The following TNFSF9 variants were observed in gnomAD, a reference collection of about 807,000 sequenced individuals.
TNFSF9 encodes TNF superfamily member 9, also known as tumor necrosis factor ligand superfamily member 9.
TNFSF9 carries 10 observed loss-of-function variants against 10.3 expected under a neutral mutation model. That is an observed-to-expected ratio of 0.97 (90% CI 0.60 to 1.65). TNFSF9 has a LOEUF of 1.65. Among genes scored for constraint, TNFSF9 ranks in the 40% most tolerant of loss-of-function variants. The pLI is 0.00. For missense variants in TNFSF9, 361 were observed against 348.9 expected, an observed-to-expected ratio of 1.03 and a Z score of -0.28; for synonymous variants, 195 against 176.1, an observed-to-expected ratio of 1.11 and a Z score of -0.85.
Position 6,531,233 on chromosome 19 carries a change from C to T in TNFSF9, c.197C>T (p.Ala66Val), listed in dbSNP as rs1915139072. Reference sequence around the variant, plus strand: ...GCTCGCGCCTCGCCCGGCTCCGCGGCCAGCCCGAGACTCCGCGAGGGTCCC... The same window carrying T: ...GCTCGCGCCTCGCCCGGCTCCGCGGTCAGCCCGAGACTCCGCGAGGGTCCC... Reference protein sequence around the residue: ...SGARASPGSAASPRLREGPEL... With the variant: ...SGARASPGSAVSPRLREGPEL... The change falls in exon 1 of 3, where the codon GCC (alanine) becomes GTC (valine). Residue 66 changes from alanine to valine, a missense_variant. Physicochemically the swap from Ala to Val is moderately conservative, Grantham distance 64. Coordinates refer to ENST00000245817, the MANE Select transcript of TNFSF9 (RefSeq NM_003811.4). The T allele has an allele frequency of 2.6e-6, 4 of 1,534,470 alleles. No homozygotes were observed. The highest frequency in any genetic ancestry group is 1.7e-4 in the Middle Eastern group (1 of 5,724).
intron 2 of TNFSF9, 119 bp from the exon 3 acceptor site, chr19:6,534,474 TCCCCGCC>T: frequency 1.1e-5 from 6 of 546,130 alleles, no homozygotes; most frequent in Non-Finnish European, 1.6e-5. Flanking sequence ...GCCCCGCCAT[TCCCCGCC>T]CCCCGGCCCC....
intron 1 of TNFSF9, among the ~76,000 whole-genome samples, chr19:6,532,411 TTG>T (rs3073807): frequency 0.11 from 11,198 of 105,380 alleles, 602 homozygotes; most frequent in African/African-American, 0.23. Context: ...GTGTGGGTGT[TTG>T]TGTTTGTTCG....
chr19:6,534,643 C>G lies in TNFSF9; in HGVS notation c.342C>G (p.Gly114=), dbSNP rs759672994. The G allele has an allele frequency of 6.9e-6, 11 of 1,587,088 alleles. No individual in the cohort carries two copies. The highest frequency in any genetic ancestry group is 1.1e-5 in the South Asian group (1 of 87,038). ...CCCTGAGCTGGTACAGTGACCCAGG[C>G]CTGGCAGGCGTGTCCCTGACGGGGG... ...DGPLSWYSDP[G]LAGVSLTGGL... Residue 114 remains glycine (G), a synonymous_variant, in exon 3 of 3, where the codon GGC becomes GGG. Coordinates refer to ENST00000245817, the MANE Select transcript of TNFSF9 (RefSeq NM_003811.4).
chr19:6,532,678 T>C, intron 1 of TNFSF9, 108 bp from the exon 2 acceptor site: 1 of 1,491,846 alleles, frequency 6.7e-7, no homozygotes, highest in South Asian at 1.1e-5. Flanking sequence ...AGCGTAGGCT[T>C]CAGGTCGGCA....
chr19:6,535,277 A>G lies in TNFSF9; in HGVS notation c.*211A>G. 6.6e-6 allele frequency: 1 copy of G among 150,594 alleles called. No homozygotes were observed. The highest frequency in any genetic ancestry group is 1.3e-5 in the Non-Finnish European group (1 of 74,602). 9.3% of individuals were successfully genotyped at this position (150,594 alleles called of 1,614,324 possible). A position where few individuals can be genotyped will look rare whatever the true frequency, so the allele number is the denominator to read the frequency against. ...TTCTGAGCCTGAGCTCAGATAATATATTATATATATTATATATATATATAT... is the reference window on the plus strand; with the variant it reads ...TTCTGAGCCTGAGCTCAGATAATATGTTATATATATTATATATATATATAT... On this transcript the variant is annotated 3_prime_UTR_variant, in exon 3 of 3. Coordinates refer to ENST00000245817, the MANE Select transcript of TNFSF9 (RefSeq NM_003811.4).
At chr19:6,534,469 G>A (rs1351042912) in intron 2 of TNFSF9, 131 bp from the exon 3 acceptor site, 3 of 151,252 alleles carry the variant, frequency 2.0e-5, no homozygotes, top group African/African-American at 4.4e-5. Flanking sequence ...TCCCTGCCCC[G>A]CCATTCCCCG....
At chr19:6,534,417 G>GC (rs55830707) in intron 2 of TNFSF9, among the ~76,000 whole-genome samples, 183 bp from the exon 3 acceptor site, 13,454 of 34,814 alleles carry the variant, frequency 0.39, 1,513 homozygotes, top group Non-Finnish European at 0.45. Context: ...CCCCCCCAAC[G>GC]CCCCCCCCAC....
intron 1 of TNFSF9, among the ~76,000 whole-genome samples, chr19:6,532,349 G>A (rs1430460836): frequency 1.3e-5 from 2 of 150,056 alleles, no homozygotes; most frequent in Non-Finnish European, 3.0e-5. Context: ...GTGTGGGGGT[G>A]CGTATGTGTG....
chr19:6,535,052 C>G lies in TNFSF9; in HGVS notation c.751C>G (p.Pro251Ala). The G allele has an allele frequency of 6.4e-7, 1 of 1,566,378 alleles. No individual in the cohort carries two copies. The highest frequency in any genetic ancestry group is 8.7e-7 in the Non-Finnish European group (1 of 1,154,162). The part of the protein sequence containing the change: ...TPEIPAGLPS[P>A]RSE Reference sequence around the variant, plus strand: ...CGAAATCCCAGCCGGACTCCCTTCACCGAGGTCGGAATAACGTCCAGCCTG... The same window carrying G: ...CGAAATCCCAGCCGGACTCCCTTCAGCGAGGTCGGAATAACGTCCAGCCTG... The change falls in exon 3 of 3, where the codon CCG becomes GCG. Residue 251 changes from proline (P) to alanine (A), a missense_variant. Pro to Ala is a conservative substitution (Grantham distance 27). Transcript: ENST00000245817.
intron 2 of TNFSF9, 138 bp downstream of exon 2, chr19:6,532,954 T>C: frequency 8.0e-7 from 1 of 1,246,668 alleles, no homozygotes; most frequent in Non-Finnish European, 1.2e-6. Flanking sequence ...TGAAAGCTGC[T>C]ACTTCCCCTC....
Position 6,535,091 on chromosome 19 carries a change from T to A in TNFSF9, c.*25T>A. 6.6e-7 allele frequency: 1 copy of A among 1,507,926 alleles called. No individual in the cohort carries two copies. Among genetic ancestry groups the A allele is most frequent in the Non-Finnish European group, 8.9e-7 (1 of 1,128,472 alleles). 93.4% of individuals were successfully genotyped at this position (1,507,926 alleles called of 1,614,324 possible). On this transcript the variant is annotated 3_prime_UTR_variant, in exon 3 of 3. Coordinates refer to ENST00000245817, the MANE Select transcript of TNFSF9 (RefSeq NM_003811.4). Reference sequence around the variant, plus strand: ...ACGTCCAGCCTGGGTGCAGCCCACCTGGACAGAGTCCGAATCCTACTCCAT... The same window carrying A: ...ACGTCCAGCCTGGGTGCAGCCCACCAGGACAGAGTCCGAATCCTACTCCAT...
chr19:6,532,961 C>T, intron 2 of TNFSF9, 145 bp downstream of exon 2: 2 of 1,169,862 alleles, frequency 1.7e-6, no homozygotes, highest in South Asian at 2.6e-5. Context: ...TGCTACTTCC[C>T]CTCTTTGAAC....
chr19:6,531,887 C>T (rs1915153463), intron 1 of TNFSF9, among the ~76,000 whole-genome samples: 1 of 152,166 alleles, frequency 6.6e-6, no homozygotes, highest in Admixed American at 6.5e-5. Flanking sequence ...TCCGCATTCC[C>T]AAGGCACCCC....
Position 6,531,034 on chromosome 19 carries a change from G to T in TNFSF9, c.-3G>T. 1 of 1,608,480 alleles carries T rather than the reference G, an allele frequency of 6.2e-7. No individual in the cohort carries two copies. The highest frequency in any genetic ancestry group is 1.1e-5 in the South Asian group (1 of 90,936). On this transcript the variant is annotated 5_prime_UTR_variant, in exon 1 of 3. Transcript: ENST00000245817. The stretch of plus-strand genomic sequence containing the variant: ...GCGCTGTGTCTTCCCGCAGTCTCTC[G>T]TCATGGAATACGCCTCTGACGCTTC...
At chr19:6,532,864 C>T in intron 2 of TNFSF9, 48 bp downstream of exon 2, 2 of 1,612,708 alleles carry the variant, frequency 1.2e-6, no homozygotes, top group Non-Finnish European at 1.7e-6. Flanking sequence ...ACCATCCCCA[C>T]CCCGGGATAC....
At chr19:6,534,501 C>A in intron 2 of TNFSF9, 99 bp from the exon 3 acceptor site, 1 of 982,694 alleles carries the variant, frequency 1.0e-6, no homozygotes, top group Non-Finnish European at 1.4e-6. Flanking sequence ...CTGACCCGTT[C>A]TTTTCTCCCA....
At position 6,531,267 on chromosome 19, in the gene TNFSF9, G is replaced by C. The variant is rs1238346499; in HGVS notation, c.231G>C (p.Ser77=). 8.0e-6 allele frequency: 12 copies of C among 1,506,928 alleles called. No individual in the cohort carries two copies. The Admixed American group carries it at 2.6e-4, about 33-fold the overall frequency. The allele number at this position is 1,506,928 out of a possible 1,614,324, so 93.3% of individuals were successfully genotyped here. Reference sequence around the variant, plus strand: ...GACTCCGCGAGGGTCCCGAGCTTTCGCCCGACGATCCCGCCGGCCTCTTGG... The same window carrying C: ...GACTCCGCGAGGGTCCCGAGCTTTCCCCCGACGATCCCGCCGGCCTCTTGG... ...SPRLREGPEL[S]PDDPAGLLDL... Residue 77 remains serine (S), a synonymous_variant, in exon 1 of 3, where the codon TCG becomes TCC. Coordinates refer to ENST00000245817, the MANE Select transcript of TNFSF9 (RefSeq NM_003811.4).
At position 6,535,068 on chromosome 19, in the gene TNFSF9, G is replaced by T. The variant is rs752017666; in HGVS notation, c.*2G>T. 5 of 1,548,064 alleles carry T rather than the reference G, an allele frequency of 3.2e-6. No individual in the cohort carries two copies. Among genetic ancestry groups the T allele is most frequent in the African/African-American group, 1.4e-5 (1 of 73,342 alleles). Reference sequence around the variant, plus strand: ...CTCCCTTCACCGAGGTCGGAATAACGTCCAGCCTGGGTGCAGCCCACCTGG... The same window carrying T: ...CTCCCTTCACCGAGGTCGGAATAACTTCCAGCCTGGGTGCAGCCCACCTGG... On this transcript the variant is annotated 3_prime_UTR_variant, in exon 3 of 3. Coordinates refer to ENST00000245817, the MANE Select transcript of TNFSF9 (RefSeq NM_003811.4).
chr19:6,532,878 G>C, intron 2 of TNFSF9, 62 bp downstream of exon 2: 2 of 1,610,066 alleles, frequency 1.2e-6, no homozygotes, highest in Non-Finnish European at 1.7e-6. Context: ...GGGATACGAA[G>C]AAGGGGGAAC....
Sources: allele counts gnomAD v4.1 joint callset (sites outside exome capture counted in the v4.1 genomes callset), GRCh38; gene constraint gnomAD v4.1.1; transcripts MANE v1.5; gene names NCBI Gene and HGNC (gene_info 2026-07-23, HGNC 2026-07-21).